The following RBFOX1 variants were observed in gnomAD, a reference collection of about 807,000 sequenced individuals.
RBFOX1 encodes the protein RNA binding fox-1 homolog 1, also known as RNA binding protein fox-1 homolog 1.
RBFOX1 carries 8 observed loss-of-function variants against 57.7 expected under a neutral mutation model. That is an observed-to-expected ratio of 0.14 (90% CI 0.08 to 0.25). The LOEUF is 0.25. Ranked by LOEUF, RBFOX1 falls within the 10% of genes least tolerant of loss-of-function variation. RBFOX1 has a pLI of 1.00. For missense variants in RBFOX1, 611 were observed against 548.5 expected, an observed-to-expected ratio of 1.11 and a Z score of -1.14; for synonymous variants, 326 against 222.4, an observed-to-expected ratio of 1.47 and a Z score of -4.15.
chr16:6,801,535 G>C (rs2085451045), intron 3 of RBFOX1, among the ~76,000 whole-genome samples: 1 of 152,058 alleles, frequency 6.6e-6, no homozygotes. Flanking sequence ...CAAAAGTCAG[G>C]GCCCTTGAAA....
chr16:7,155,846 T>C (rs1188498271), intron 4 of RBFOX1, among the ~76,000 whole-genome samples: 1 of 151,410 alleles, frequency 6.6e-6, no homozygotes, highest in Non-Finnish European at 1.5e-5. Flanking sequence ...TACCTATATA[T>C]GTGATGAACC....
At chr16:7,132,277 G>C (rs115081215) in intron 4 of RBFOX1, among the ~76,000 whole-genome samples, 1 of 151,874 alleles carries the variant, frequency 6.6e-6, no homozygotes, top group African/African-American at 2.4e-5. Flanking sequence ...TACCCTGTCC[G>C]GCCAGAGTCC....
At position 5,925,153 on chromosome 16, in the gene RBFOX1, C is replaced by T. The variant is rs2152236597; in HGVS notation, c.351+57818C>T. ...TCCCGATGCCTCTGCAGACAAACTT[C>T]CCTTGACCTAAGTAAGGTCCCTGCA... On this transcript the variant is annotated intron_variant, in intron 4 of 19. Transcript: ENST00000641259. Among the ~76,000 whole-genome samples the T allele has an allele frequency of 2.0e-5, 3 of 152,314 alleles. No individual in the cohort carries two copies. In the South Asian group the frequency reaches 6.2e-4, roughly 32 times the overall value.
Position 7,214,983 on chromosome 16 carries a change from C to T in RBFOX1, c.27+162885C>T, listed in dbSNP as rs141276920. 2.4e-3 allele frequency among the ~76,000 whole-genome samples: 366 copies of T among 152,248 alleles called. 1 individual carries two copies. The highest frequency in any genetic ancestry group is 7.6e-3 in the African/African-American group (314 of 41,546). The stretch of plus-strand genomic sequence containing the variant: ...GTCCACGTGCCATGGTGGTTTGCTG[C>T]ACCTATCAACCCATCATCTAGGTTT... On this transcript the variant is annotated intron_variant, in intron 4 of 15. Transcript: ENST00000550418.
chr16:5,274,493 C>T (rs2063094450), intron 1 of RBFOX1, among the ~76,000 whole-genome samples: 1 of 152,186 alleles, frequency 6.6e-6, no homozygotes, highest in South Asian at 2.1e-4. Flanking sequence ...TGCACCACTG[C>T]ACCCTAGCCT....
At chr16:6,774,639 A>G (rs1233705695) in intron 3 of RBFOX1, among the ~76,000 whole-genome samples, 2 of 152,192 alleles carry the variant, frequency 1.3e-5, no homozygotes, top group East Asian at 1.9e-4. Flanking sequence ...TGTATGAGCT[A>G]TATATGTCAG....
At chr16:5,268,821 C>G (rs1012525625) in intron 1 of RBFOX1, among the ~76,000 whole-genome samples, 1 of 152,226 alleles carries the variant, frequency 6.6e-6, no homozygotes, top group African/African-American at 2.4e-5. Flanking sequence ...AGTTGTTAAA[C>G]TGTTTCTCAC....
At chr16:6,883,154 G>A (rs1242392787) in intron 3 of RBFOX1, among the ~76,000 whole-genome samples, 4 of 152,140 alleles carry the variant, frequency 2.6e-5, no homozygotes, top group Non-Finnish European at 5.9e-5. Flanking sequence ...TGGGGAGGTA[G>A]CCATTTATAT....
At chr16:5,251,480 C>T (rs1327209489) in intron 1 of RBFOX1, among the ~76,000 whole-genome samples, 4 of 152,150 alleles carry the variant, frequency 2.6e-5, no homozygotes, top group Non-Finnish European at 5.9e-5. Context: ...CCAGAGCCAC[C>T]CCTAGTACCT....
intron 12 of RBFOX1, among the ~76,000 whole-genome samples, chr16:7,657,533 G>C (rs1156891033): frequency 2.0e-5 from 3 of 152,188 alleles, no homozygotes; most frequent in African/African-American, 7.2e-5. Context: ...TTGAACTCCT[G>C]ACCTCAGGTG....
chr16:7,025,919 C>G (rs1028947354), intron 3 of RBFOX1, among the ~76,000 whole-genome samples: 2 of 152,016 alleles, frequency 1.3e-5, no homozygotes, highest in Admixed American at 6.6e-5. Flanking sequence ...GCCTAGACCC[C>G]TCTCGGGAGC....
At chr16:7,408,259 G>C (rs755779607) in intron 4 of RBFOX1, among the ~76,000 whole-genome samples, 2 of 152,000 alleles carry the variant, frequency 1.3e-5, no homozygotes, top group Non-Finnish European at 2.9e-5. Flanking sequence ...TTTTTTCTCA[G>C]CTATGTTTAG....
intron 11 of RBFOX1, among the ~76,000 whole-genome samples, chr16:7,637,080 G>T (rs547310710): frequency 9.6e-4 from 146 of 152,178 alleles, no homozygotes; most frequent in African/African-American, 3.4e-3. Flanking sequence ...ATTTGTCAAG[G>T]GCTAGAAAAG....
chr16:6,941,547 C>G (rs1042007348), intron 3 of RBFOX1, among the ~76,000 whole-genome samples: 5 of 152,100 alleles, frequency 3.3e-5, no homozygotes, highest in African/African-American at 1.2e-4. Context: ...GGTTCTCACA[C>G]CTGTCCACCA....
chr16:6,077,041 A>C (rs33994535), intron 1 of RBFOX1, among the ~76,000 whole-genome samples: 55,620 of 152,068 alleles, frequency 0.37, 11,767 homozygotes, highest in Non-Finnish European at 0.49. Context: ...AGCGCTCGGC[A>C]AATGTAGTTT....
At chr16:7,381,979 C>A (rs1475006743) in intron 4 of RBFOX1, among the ~76,000 whole-genome samples, 1 of 152,152 alleles carries the variant, frequency 6.6e-6, no homozygotes, top group African/African-American at 2.4e-5. Context: ...ATGTTTCTCC[C>A]TTTGAGAATC....
chr16:7,380,568 T>TA (rs2097768038), intron 4 of RBFOX1, among the ~76,000 whole-genome samples: 1 of 152,310 alleles, frequency 6.6e-6, no homozygotes, highest in Non-Finnish European at 1.5e-5. Flanking sequence ...CATTTGTATT[T>TA]AAAAAACAAA....
At chr16:6,672,616 A>C (rs1168266278) in intron 3 of RBFOX1, among the ~76,000 whole-genome samples, 1 of 152,148 alleles carries the variant, frequency 6.6e-6, no homozygotes, top group African/African-American at 2.4e-5. Context: ...ATATAAGACT[A>C]CTGACTTCAG....
chr16:6,858,485 C>A (rs932438998), intron 3 of RBFOX1, among the ~76,000 whole-genome samples: 1 of 152,110 alleles, frequency 6.6e-6, no homozygotes, highest in Non-Finnish European at 1.5e-5. Context: ...GGTTTCCGGG[C>A]AGAGGTAGAA....
Sources: gnomAD v4.1 joint callset for allele counts (sites outside exome capture counted in the v4.1 genomes callset) on GRCh38, gnomAD v4.1.1 for gene constraint, MANE v1.5 for transcripts, NCBI Gene and HGNC (gene_info 2026-07-23, HGNC 2026-07-21) for gene names.